CELSR1: variants seen among roughly 807,000 people sequenced by gnomAD.
CELSR1 encodes the protein cadherin EGF LAG seven-pass G-type receptor 1, also known as adhesion G protein-coupled receptor C1.
In CELSR1, 110 loss-of-function variants were observed where a neutral mutation model predicts 249.1. That is an observed-to-expected ratio of 0.44 (90% CI 0.38 to 0.52). The LOEUF (loss-of-function observed/expected upper bound fraction) is 0.52, where lower values mean the gene tolerates loss of function less well. CELSR1 is among the 20% of genes least tolerant of loss of function. CELSR1 has a pLI of 0.00. For synonymous variants in CELSR1, 2,113 were observed against 1,900.0 expected, an observed-to-expected ratio of 1.11 and a Z score of -2.92; for missense variants, 4,109 against 4,296.4, an observed-to-expected ratio of 0.96 and a Z score of 1.22.
rs745559079 is a variant in CELSR1, at chr22:46,365,667, C to A, written c.8323G>T (p.Gly2775Cys). ...IVRDEGIQKL[G>C]VSSGLVRGSH... The stretch of plus-strand genomic sequence containing the variant: ...CCCCTCACCAGCCCAGAGGACACGC[C>A]GAGCTTCTGGATCCCTTCATCCCTA... Residue 2775 changes from glycine (G) to cysteine (C), a missense_variant, in exon 31 of 35, where the codon GGC (glycine) becomes TGC (cysteine). Gly to Cys is a radical substitution (Grantham distance 159). Transcript: ENST00000674500. The A allele has an allele frequency of 3.2e-6, 5 of 1,581,468 alleles. No individual in the cohort carries two copies. Among genetic ancestry groups the A allele is most frequent in the South Asian group, 2.3e-5 (2 of 86,444 alleles).
intron 1 of CELSR1, among the ~76,000 whole-genome samples, chr22:46,533,190 G>A (rs983301555): frequency 1.3e-5 from 2 of 152,154 alleles, no homozygotes; most frequent in Admixed American, 1.3e-4. Context: ...AATTCCAACG[G>A]TCCCACCCTG....
chr22:46,444,550 T>C (rs1207218878), intron 2 of CELSR1, among the ~76,000 whole-genome samples: 3 of 152,096 alleles, frequency 2.0e-5, no homozygotes, highest in African/African-American at 7.3e-5. Context: ...CAAATAAAAC[T>C]AATCTCCATG....
chr22:46,466,235 C>A (rs766906495), intron 1 of CELSR1, among the ~76,000 whole-genome samples: 1 of 152,212 alleles, frequency 6.6e-6, no homozygotes, highest in African/African-American at 2.4e-5. Flanking sequence ...TCAGAGAGTG[C>A]GTTCCTTCCC....
chr22:46,409,265 T>C lies in CELSR1; in HGVS notation c.5060-103A>G. The C allele has an allele frequency of 3.2e-6, 4 of 1,255,144 alleles. No homozygotes were observed. Among genetic ancestry groups the C allele is most frequent in the Non-Finnish European group, 4.4e-6 (4 of 905,576 alleles). The allele number at this position is 1,255,144 out of a possible 1,614,324, so 77.8% of individuals were successfully genotyped here. A position where few individuals can be genotyped will look rare whatever the true frequency, so the allele number is the denominator to read the frequency against. ...GGGCCTGCAGGCTAGGCCTGGGCCT[T>C]TTTCACTTTAACACGAAGGTGGGTC... is the stretch of plus-strand genomic sequence containing the variant. On this transcript the variant is annotated intron_variant, in intron 8 of 34. Coordinates refer to ENST00000674500, the MANE Select transcript of CELSR1 (RefSeq NM_001378328.1). This position sits in a 1 kb window ranked among gnomAD's most constrained non-coding sequence, Gnocchi z 9.8.
chr22:46,428,055 C>A lies in CELSR1; in HGVS notation c.4611+5338G>T, dbSNP rs73890425. On this transcript the variant is annotated intron_variant, in intron 5 of 34. Transcript: ENST00000674500. This position sits in a 1 kb window ranked among gnomAD's most constrained non-coding sequence, Gnocchi z 5.7. ...ACCTGACAAGCAACAGGTGAGCAATCCCTAATGACAGCAGGACCTAGCGGT... is the reference window on the plus strand; with the variant it reads ...ACCTGACAAGCAACAGGTGAGCAATACCTAATGACAGCAGGACCTAGCGGT... Among the ~76,000 whole-genome samples, 1 of 152,164 alleles carries A rather than the reference C, an allele frequency of 6.6e-6. No homozygotes were observed. Among genetic ancestry groups the A allele is most frequent in the Non-Finnish European group, 1.5e-5 (1 of 68,036 alleles).
At position 46,440,414 on chromosome 22, in the gene CELSR1, T is replaced by C. The variant is rs1362442580; in HGVS notation, c.4184-1003A>G. ...CGGGGATTCACCGTGTTAGCCAGGA[T>C]GGTCTCCATCTCCTAACCTCGTGAT... On this transcript the variant is annotated intron_variant, in intron 2 of 34. Coordinates refer to ENST00000674500, the MANE Select transcript of CELSR1 (RefSeq NM_001378328.1). This position sits in a 1 kb window ranked among gnomAD's most constrained non-coding sequence, Gnocchi z 4.7. Among the ~76,000 whole-genome samples, 2 of 152,192 alleles carry C rather than the reference T, an allele frequency of 1.3e-5. No individual in the cohort carries two copies. Among genetic ancestry groups the C allele is most frequent in the East Asian group, 3.9e-4 (2 of 5,194 alleles).
intron 1 of CELSR1, among the ~76,000 whole-genome samples, chr22:46,480,119 C>G (rs1421100571): frequency 6.6e-6 from 1 of 152,226 alleles, no homozygotes; most frequent in Non-Finnish European, 1.5e-5. Context: ...GTATCACAAT[C>G]AAAATCCCCT....
intron 5 of CELSR1, among the ~76,000 whole-genome samples, chr22:46,414,431 C>T (rs8142489): frequency 0.017 from 2,607 of 152,358 alleles, 70 homozygotes; most frequent in Middle Eastern, 0.061. Flanking sequence ...ATCACAGCAT[C>T]CCGATGGCCC....
chr22:46,463,071 C>T (rs1021399970), intron 2 of CELSR1, among the ~76,000 whole-genome samples: 2 of 152,208 alleles, frequency 1.3e-5, no homozygotes, highest in Non-Finnish European at 2.9e-5. Flanking sequence ...TTAAAAGCAA[C>T]TCATGTCATT....
At position 46,536,312 on chromosome 22, in the gene CELSR1, G is replaced by A. The variant is rs2080855083; in HGVS notation, c.859C>T (p.Leu287=). 6.2e-7 allele frequency: 1 copy of A among 1,612,758 alleles called. No individual in the cohort carries two copies. The highest frequency in any genetic ancestry group is 8.5e-7 in the Non-Finnish European group (1 of 1,179,944). ...EERVSYYMEG[L]FDERSRGYFR... ...TAGCCCCGGGAGCGCTCGTCGAACAGCCCCTCCATGTAATAGCTCACGCGC... is the reference window on the plus strand; with the variant it reads ...TAGCCCCGGGAGCGCTCGTCGAACAACCCCTCCATGTAATAGCTCACGCGC... Residue 287 remains leucine (L), a synonymous_variant, in exon 1 of 35, where the codon CTG becomes TTG. Coordinates refer to ENST00000674500, the MANE Select transcript of CELSR1 (RefSeq NM_001378328.1).
At chr22:46,514,685 G>C (rs891529190) in intron 1 of CELSR1, among the ~76,000 whole-genome samples, 1 of 152,164 alleles carries the variant, frequency 6.6e-6, no homozygotes, top group African/African-American at 2.4e-5. Context: ...GTCACTCCCC[G>C]GAGGGAGCCG....
chr22:46,535,205 C>G lies in CELSR1; in HGVS notation c.1966G>C (p.Gly656Arg), dbSNP rs375446322. The G allele has an allele frequency of 5.0e-6, 8 of 1,609,268 alleles. No homozygotes were observed. In the African/African-American group the frequency reaches 8.0e-5, roughly 16 times the overall value. Residue 656 changes from glycine to arginine, a missense_variant, in exon 1 of 35, where the codon GGG (glycine) becomes CGG (arginine). By Grantham distance (125) the Gly-to-Arg change is moderately radical. Transcript: ENST00000674500. ...GAGCCGTGGTCCACCGCCTCCACCCCGAAGCTGTAGTGCTCCACCTCCTCG... is the reference window on the plus strand; with the variant it reads ...GAGCCGTGGTCCACCGCCTCCACCCGGAAGCTGTAGTGCTCCACCTCCTCG... ...DREEVEHYSF[G>R]VEAVDHGSPP... is the part of the protein sequence containing the mutation.
At chr22:46,531,982 C>T (rs1262408185) in intron 1 of CELSR1, among the ~76,000 whole-genome samples, 2 of 152,144 alleles carry the variant, frequency 1.3e-5, no homozygotes, top group South Asian at 2.1e-4. Flanking sequence ...GTGTGGAGCC[C>T]CCAGCCCATT....
chr22:46,513,863 C>G (rs984468424), intron 1 of CELSR1, among the ~76,000 whole-genome samples: 1 of 152,120 alleles, frequency 6.6e-6, no homozygotes, highest in African/African-American at 2.4e-5. Flanking sequence ...ACAATCTCAG[C>G]TCACTGCAGC....
At chr22:46,501,300 G>A (rs1196717987) in intron 1 of CELSR1, among the ~76,000 whole-genome samples, 12 of 144,700 alleles carry the variant, frequency 8.3e-5, no homozygotes, top group Admixed American at 4.3e-4. Flanking sequence ...TCCACCTCCC[G>A]ATTCAAGCCA....
intron 1 of CELSR1, among the ~76,000 whole-genome samples, chr22:46,481,158 C>A (rs2080261785): frequency 6.6e-6 from 1 of 151,870 alleles, no homozygotes; most frequent in Admixed American, 6.6e-5. Context: ...TGGCTTGAAC[C>A]TGGGAGGTGG....
intron 1 of CELSR1, among the ~76,000 whole-genome samples, chr22:46,469,715 C>T (rs1267569413): frequency 2.0e-5 from 3 of 151,306 alleles, no homozygotes; most frequent in Non-Finnish European, 2.9e-5. Flanking sequence ...GGTTTCACCA[C>T]GTAGGCCAGG....
At chr22:46,463,050 C>T in intron 2 of CELSR1, 1 of 334,088 alleles carries the variant, frequency 3.0e-6, no homozygotes, top group East Asian at 1.2e-4. Context: ...GTACTTTCAC[C>T]TGAGGGCCAC....
intron 1 of CELSR1, among the ~76,000 whole-genome samples, chr22:46,477,658 C>T (rs1053541114): frequency 1.3e-5 from 2 of 152,052 alleles, no homozygotes; most frequent in African/African-American, 4.8e-5. Flanking sequence ...CAGACGTGGG[C>T]CACCACGCCA....
Sources: allele counts gnomAD v4.1 joint callset (sites outside exome capture counted in the v4.1 genomes callset), GRCh38; gene constraint gnomAD v4.1.1; non-coding constraint Gnocchi (gnomAD v3.1); transcripts MANE v1.5; gene names NCBI Gene and HGNC (gene_info 2026-07-23, HGNC 2026-07-21).